ZNF500: variants seen among roughly 807,000 people sequenced by gnomAD.
The protein encoded by ZNF500 is zinc finger protein with KRAB and SCAN domains 18.
ZNF500 carries 31 observed loss-of-function variants against 30.1 expected under a neutral mutation model. The observed-to-expected ratio is 1.03, with a 90% CI of 0.77 to 1.39. The LOEUF (loss-of-function observed/expected upper bound fraction) is 1.39, where lower values mean the gene tolerates loss of function less well. Ranked by LOEUF, ZNF500 falls within the 40% of genes most tolerant of loss-of-function variation. The pLI is 0.00. For missense variants in ZNF500, 817 were observed against 657.8 expected (o/e 1.24, Z -2.65); for synonymous variants, 392 against 282.0 (o/e 1.39, Z -3.91).
At chr16:4,744,929 A>G (rs1206762122), downstream of ZNF500, 2 of 1,613,770 alleles carry the variant, frequency 1.2e-6, no homozygotes, top group African/African-American at 1.3e-5. Flanking sequence ...CCTGTGCACC[A>G]CGCAGTCCAA....
At position 4,751,917 on chromosome 16, in the gene ZNF500, A is replaced by AG. The variant is rs59295954; in HGVS notation, c.*458dup. 446 of 218,550 alleles carry AG rather than the reference A, an allele frequency of 2.0e-3. 1 individual carries two copies. Among genetic ancestry groups the AG allele is most frequent in the South Asian group, 4.6e-3 (50 of 10,826 alleles). The allele number at this position is 218,550 out of a possible 1,614,324, so 13.5% of individuals were successfully genotyped here. A position where few individuals can be genotyped will look rare whatever the true frequency, so the allele number is the denominator to read the frequency against. ...AGCAAGGCCCCGTCTCAAAAAAAAA[A>AG]GGGGGGGGGAGCAGGTGGGGGGTAC... is the stretch of plus-strand genomic sequence containing the variant. On this transcript the variant is annotated 3_prime_UTR_variant, in exon 6 of 6. Transcript: ENST00000219478.
chr16:4,752,737 C>G lies in ZNF500; in HGVS notation c.1082G>C (p.Gly361Ala). ...GCTGAAGTTGGAGCGGTCGCTAAAG[C>G]CCTTCCCACAGACTAGGCACTTGTA... is the stretch of plus-strand genomic sequence containing the variant. ...RPYKCLVCGK[G>A]FSDRSNFSTH... The change falls in exon 6 of 6, where the codon GGC becomes GCC. Residue 361 changes from glycine (G) to alanine (A), a missense_variant. Physicochemically the swap from Gly to Ala is moderately conservative, Grantham distance 60. Coordinates refer to ENST00000219478, the MANE Select transcript of ZNF500 (RefSeq NM_021646.4). The G allele has an allele frequency of 6.2e-7, 1 of 1,614,216 alleles. No homozygotes were observed. Among genetic ancestry groups the G allele is most frequent in the South Asian group, 1.1e-5 (1 of 91,086 alleles).
At chr16:4,745,001 T>A, downstream of ZNF500, 1 of 1,613,310 alleles carries the variant, frequency 6.2e-7, no homozygotes, top group Non-Finnish European at 8.5e-7. Flanking sequence ...AGAGGCAGAT[T>A]CAGGAAGCAG....
At chr16:4,756,641 G>C (rs375343383) in intron 5 of ZNF500, 1 of 152,128 alleles carries the variant, frequency 6.6e-6, no homozygotes, top group East Asian at 1.9e-4. Context: ...CTCAGCCTCT[G>C]AGTAGCTGGG....
intron 5 of ZNF500, among the ~76,000 whole-genome samples, chr16:4,759,808 C>T (rs1299452576): frequency 1.3e-5 from 2 of 152,158 alleles, no homozygotes; most frequent in African/African-American, 4.8e-5. Context: ...AGGCCTAGGC[C>T]AGCGGATCAC....
At chr16:4,763,228 T>C (rs1162369249) in intron 2 of ZNF500, 3 of 604,450 alleles carry the variant, frequency 5.0e-6, no homozygotes, top group African/African-American at 2.0e-5. Context: ...TGAAACCCCA[T>C]CTCTACTAAA....
rs762177813 is a variant in ZNF500, at chr16:4,765,729, G to A, written c.250C>T (p.Arg84Cys). Residue 84 changes from arginine (R) to cysteine (C), a missense_variant, in exon 2 of 6, where the codon CGC (arginine) becomes TGC (cysteine). Coordinates refer to ENST00000219478, the MANE Select transcript of ZNF500 (RefSeq NM_021646.4). The part of the protein sequence containing the change: ...LCCRWLRPEL[R>C]TKEQILELLV... The stretch of plus-strand genomic sequence containing the variant: ...AGCTCCAGGATCTGCTCCTTGGTGC[G>A]CAGCTCCGGCCGCAGCCAGCGGCAG... The A allele has an allele frequency of 6.8e-6, 11 of 1,613,256 alleles. No individual in the cohort carries two copies. Among genetic ancestry groups the A allele is most frequent in the African/African-American group, 1.3e-5 (1 of 74,926 alleles).
chr16:4,747,584 G>C, downstream of ZNF500: 1 of 1,610,786 alleles, frequency 6.2e-7, no homozygotes, highest in South Asian at 1.1e-5. Flanking sequence ...TGAGCCAGGG[G>C]CAGCCAGGGA....
intron 1 of ZNF500, 112 bp from the exon 2 acceptor site, chr16:4,766,188 G>C (rs1318569377): frequency 1.0e-5 from 5 of 487,980 alleles, no homozygotes; most frequent in African/African-American, 5.9e-5. Context: ...CCATGGAAAA[G>C]GAAAAGGAAG....
At position 4,766,067 on chromosome 16, in the gene ZNF500, T is replaced by C. The variant is rs1402928518; in HGVS notation, c.-89A>G. The C allele has an allele frequency of 1.4e-6, 2 of 1,444,440 alleles. No individual in the cohort carries two copies. Among genetic ancestry groups the C allele is most frequent in the African/African-American group, 2.8e-5 (2 of 70,530 alleles). The allele number at this position is 1,444,440 out of a possible 1,614,324, so 89.5% of individuals were successfully genotyped here. Reference sequence around the variant, plus strand: ...TGGCCAGACACAGGAAGAGAGTTTTTTTCAGGGCCCTGTGGAGAGACGATA... The same window carrying C: ...TGGCCAGACACAGGAAGAGAGTTTTCTTCAGGGCCCTGTGGAGAGACGATA... On this transcript the variant is annotated 5_prime_UTR_variant, in exon 2 of 6. Coordinates refer to ENST00000219478, the MANE Select transcript of ZNF500 (RefSeq NM_021646.4).
At chr16:4,747,579 CA>C (rs766096540), downstream of ZNF500, 1 of 1,610,684 alleles carries the variant, frequency 6.2e-7, no homozygotes, top group South Asian at 1.1e-5. Flanking sequence ...GTTCCTGAGC[CA>C]GGGGCAGCCA....
At position 4,765,716 on chromosome 16, in the gene ZNF500, T is replaced by C. The variant is rs1294451646; in HGVS notation, c.263A>G (p.Gln88Arg). 2 of 1,613,380 alleles carry C rather than the reference T, an allele frequency of 1.2e-6. No homozygotes were observed. The highest frequency in any genetic ancestry group is 1.7e-6 in the Non-Finnish European group (2 of 1,179,968). ...CTCCAGCACCAGCAGCTCCAGGATC[T>C]GCTCCTTGGTGCGCAGCTCCGGCCG... ...WLRPELRTKE[Q>R]ILELLVLEQF... Residue 88 changes from glutamine (Q) to arginine (R), a missense_variant, in exon 2 of 6, where the codon CAG (glutamine) becomes CGG (arginine). Gln to Arg is a conservative substitution (Grantham distance 43). Transcript: ENST00000219478.
intron 5 of ZNF500, among the ~76,000 whole-genome samples, chr16:4,756,121 G>GGCCTGATAGCTCAC (rs2082132031): frequency 6.6e-6 from 1 of 152,218 alleles, no homozygotes; most frequent in Non-Finnish European, 1.5e-5. Flanking sequence ...TTGAGGGCCA[G>GGCCTGATAGCTCAC]GCCTGATAGC....
rs779131155 is a variant in ZNF500, at chr16:4,762,648, G to C, written c.523C>G (p.Arg175Gly). The C allele has an allele frequency of 1.7e-5, 28 of 1,613,912 alleles. No individual in the cohort carries two copies. Among genetic ancestry groups the C allele is most frequent in the Non-Finnish European group, 2.4e-5 (28 of 1,179,982 alleles). ...PEDLSLEEEA[R>G]FSSQQPPAQL... ...GCTGGGGGCTGCTGGCTGGAGAATCGAGCCTCTTCCTCCAGGGACAGATCC... is the reference window on the plus strand; with the variant it reads ...GCTGGGGGCTGCTGGCTGGAGAATCCAGCCTCTTCCTCCAGGGACAGATCC... Residue 175 changes from arginine to glycine, a missense_variant, in exon 3 of 6, where the codon CGA becomes GGA. Coordinates refer to ENST00000219478, the MANE Select transcript of ZNF500 (RefSeq NM_021646.4).
downstream of ZNF500, chr16:4,747,192 C>A: frequency 8.2e-7 from 1 of 1,222,624 alleles, no homozygotes; most frequent in Non-Finnish European, 1.1e-6. Flanking sequence ...TCCACTGGGT[C>A]CCAGCAGTGG....
downstream of ZNF500, chr16:4,747,348 G>A (rs1339002519): frequency 1.3e-6 from 2 of 1,578,822 alleles, no homozygotes; most frequent in Non-Finnish European, 8.6e-7. Flanking sequence ...CACAGGACCT[G>A]TACCGGGAAA....
intron 5 of ZNF500, among the ~76,000 whole-genome samples, chr16:4,760,282 G>C (rs767011329): frequency 1.3e-5 from 2 of 152,136 alleles, no homozygotes; most frequent in Admixed American, 6.5e-5. Context: ...CAGAAGAACA[G>C]GATGGCAAGG....
rs139150092 is a variant in ZNF500 at position 4,762,305 on chromosome 16, G to A, written c.629C>T (p.Ala210Val). The change falls in exon 4 of 6, where the codon GCG (alanine) becomes GTG (valine). Residue 210 changes from alanine to valine, a missense_variant. Coordinates refer to ENST00000219478, the MANE Select transcript of ZNF500 (RefSeq NM_021646.4). The part of the protein sequence containing the change: ...GPPAPRHQEM[A>V]SASPFLSAWS... ...GGCCGAAAGGAAGGGCGAGGCTGAC[G>A]CCATCTCCTGATGCCGGGGAGCTGG... 68 of 1,610,592 alleles carry A rather than the reference G, an allele frequency of 4.2e-5. 1 individual carries two copies. The African/African-American group carries it at 6.3e-4, about 15-fold the overall frequency.
rs1388385089 is a variant in ZNF500 at position 4,751,292 on chromosome 16, T to G, written c.*1084A>C. The G allele has an allele frequency of 2.5e-6, 1 of 402,238 alleles. No individual in the cohort carries two copies. Among genetic ancestry groups the G allele is most frequent in the African/African-American group, 2.1e-5 (1 of 48,456 alleles). The allele number at this position is 402,238 out of a possible 1,614,324, so 24.9% of individuals were successfully genotyped here. A position where few individuals can be genotyped will look rare whatever the true frequency, so the allele number is the denominator to read the frequency against. On this transcript the variant is annotated 3_prime_UTR_variant, in exon 6 of 6. Coordinates refer to ENST00000219478, the MANE Select transcript of ZNF500 (RefSeq NM_021646.4). ...CAGACAAAAGCTGGAAGGTGAAGGC[T>G]TCTTACCTTAGAAAGACAAAGTGGG... is the stretch of plus-strand genomic sequence containing the variant.
Sources: allele counts gnomAD v4.1 joint callset (sites outside exome capture counted in the v4.1 genomes callset), GRCh38; gene constraint gnomAD v4.1.1; transcripts MANE v1.5; gene names NCBI Gene and HGNC (gene_info 2026-07-23, HGNC 2026-07-21).